CACNA2D3: variants seen among roughly 807,000 people sequenced by gnomAD.
CACNA2D3 encodes the protein voltage-dependent calcium channel subunit alpha-2/delta-3.
CACNA2D3 carries 60 observed loss-of-function variants against 160.6 expected under a neutral mutation model. That is an observed-to-expected ratio of 0.37 (90% CI 0.30 to 0.46). The LOEUF (loss-of-function observed/expected upper bound fraction) is 0.46. CACNA2D3 is among the 20% of genes least tolerant of loss of function. CACNA2D3 has a pLI of 1.00. For synonymous variants in CACNA2D3, 558 were observed against 492.9 expected, an observed-to-expected ratio of 1.13 and a Z score of -1.75; for missense variants, 1,205 against 1,365.0, an observed-to-expected ratio of 0.88 and a Z score of 1.85.
At chr3:55,073,919 A>C in intron 37 of CACNA2D3, 60 bp downstream of exon 37, 1 of 1,378,454 alleles carries the variant, frequency 7.3e-7, no homozygotes. Context: ...AGAGTCTCAC[A>C]CTGGTCAAAG....
At chr3:55,063,732 G>C (rs1414938149) in intron 35 of CACNA2D3, among the ~76,000 whole-genome samples, 1 of 152,168 alleles carries the variant, frequency 6.6e-6, no homozygotes, top group Non-Finnish European at 1.5e-5. Context: ...CCATCGGGTA[G>C]ATGACAGGGG....
intron 13 of CACNA2D3, among the ~76,000 whole-genome samples, chr3:54,769,054 C>A (rs1337791589): frequency 6.6e-6 from 1 of 152,150 alleles, no homozygotes; most frequent in African/African-American, 2.4e-5. Context: ...GCAGCAGTTT[C>A]TTCCAGCTCC....
chr3:54,265,163 G>C (rs9858447), intron 2 of CACNA2D3, among the ~76,000 whole-genome samples: 1 of 152,172 alleles, frequency 6.6e-6, no homozygotes. Context: ...TCACCACACT[G>C]TCTTCCACAA....
chr3:54,403,481 C>A (rs1699511776), intron 4 of CACNA2D3, among the ~76,000 whole-genome samples: 1 of 151,672 alleles, frequency 6.6e-6, no homozygotes, highest in African/African-American at 2.4e-5. Flanking sequence ...AAAAGTGGTT[C>A]TGGAAGGGAA....
At chr3:54,519,533 T>C (rs1701612033) in intron 5 of CACNA2D3, among the ~76,000 whole-genome samples, 2 of 152,108 alleles carry the variant, frequency 1.3e-5, no homozygotes, top group South Asian at 2.1e-4. Flanking sequence ...AACAGTGCAG[T>C]AGGGAGTATT....
chr3:54,546,896 A>G (rs1702074684), intron 5 of CACNA2D3, among the ~76,000 whole-genome samples: 1 of 152,242 alleles, frequency 6.6e-6, no homozygotes, highest in African/African-American at 2.4e-5. Context: ...ATGATCAAAC[A>G]TTTAGTCATC....
At chr3:54,285,299 G>C (rs1201245158) in intron 2 of CACNA2D3, among the ~76,000 whole-genome samples, 1 of 152,216 alleles carries the variant, frequency 6.6e-6, no homozygotes, top group Admixed American at 6.5e-5. Context: ...ACCTGGCTCG[G>C]AGGGTCCTAC....
intron 18 of CACNA2D3, chr3:54,874,719 G>A (rs1346416333): frequency 6.6e-6 from 1 of 152,264 alleles, no homozygotes; most frequent in African/African-American, 2.4e-5. Context: ...AGGACATAGA[G>A]TGTGGATTCC....
intron 2 of CACNA2D3, among the ~76,000 whole-genome samples, chr3:54,226,566 G>C (rs890446061): frequency 6.6e-6 from 1 of 152,058 alleles, no homozygotes; most frequent in Non-Finnish European, 1.5e-5. Flanking sequence ...GCCTCCCAAA[G>C]TGTTGGGATT....
chr3:54,627,061 T>C (rs1187833918), intron 9 of CACNA2D3, among the ~76,000 whole-genome samples: 1 of 152,262 alleles, frequency 6.6e-6, no homozygotes, highest in Non-Finnish European at 1.5e-5. Flanking sequence ...TGTCTTGTTA[T>C]AATCACAGTT....
At chr3:55,053,496 G>A (rs1348897691) in intron 35 of CACNA2D3, among the ~76,000 whole-genome samples, 1 of 151,904 alleles carries the variant, frequency 6.6e-6, no homozygotes, top group Non-Finnish European at 1.5e-5. Context: ...ATTTTCAGTA[G>A]TATATAGTTC....
intron 5 of CACNA2D3, among the ~76,000 whole-genome samples, chr3:54,538,393 CCCT>C (rs1701921123): frequency 6.6e-6 from 1 of 152,150 alleles, no homozygotes; most frequent in Non-Finnish European, 1.5e-5. Context: ...TCTTTCCTCC[CCCT>C]CCTCCAGCGT....
chr3:55,022,443 T>G (rs1703476294), intron 35 of CACNA2D3, among the ~76,000 whole-genome samples: 1 of 152,176 alleles, frequency 6.6e-6, no homozygotes, highest in Admixed American at 6.5e-5. Flanking sequence ...TCTTTTAAAA[T>G]TTATGGTGCT....
chr3:54,511,083 G>C (rs1012608696), intron 5 of CACNA2D3, among the ~76,000 whole-genome samples: 1 of 152,048 alleles, frequency 6.6e-6, no homozygotes, highest in Non-Finnish European at 1.5e-5. Context: ...ACTCTCTGAA[G>C]ACCTTTGCTT....
At chr3:54,502,752 A>G (rs1701314166) in intron 4 of CACNA2D3, among the ~76,000 whole-genome samples, 3 of 152,230 alleles carry the variant, frequency 2.0e-5, no homozygotes, top group African/African-American at 7.2e-5. Context: ...GTGAAGTAGG[A>G]ATACTCATAA....
intron 2 of CACNA2D3, among the ~76,000 whole-genome samples, chr3:54,286,886 C>T (rs371562275): frequency 1.2e-4 from 19 of 152,076 alleles, no homozygotes; most frequent in East Asian, 5.8e-4. Flanking sequence ...CTGAGAGATT[C>T]TGTCACCACC....
intron 27 of CACNA2D3, chr3:54,966,821 AC>A: frequency 6.6e-6 from 1 of 152,378 alleles, no homozygotes; most frequent in Non-Finnish European, 1.5e-5. Context: ...TCTGTCTCAA[AC>A]AAACAAACAA....
At chr3:54,229,336 T>A (rs532951863) in intron 2 of CACNA2D3, among the ~76,000 whole-genome samples, 1 of 152,108 alleles carries the variant, frequency 6.6e-6, no homozygotes, top group African/African-American at 2.4e-5. Flanking sequence ...GGACTACAGG[T>A]GCCTGCCACC....
intron 2 of CACNA2D3, among the ~76,000 whole-genome samples, chr3:54,278,846 C>A (rs1424582999): frequency 6.6e-6 from 1 of 151,372 alleles, no homozygotes; most frequent in African/African-American, 2.4e-5. Flanking sequence ...GGATGGGGGG[C>A]AAGGGGAGGG....
Sources: gnomAD v4.1 joint callset for allele counts (sites outside exome capture counted in the v4.1 genomes callset) on GRCh38, gnomAD v4.1.1 for gene constraint, MANE v1.5 for transcripts, NCBI Gene and HGNC (gene_info 2026-07-23, HGNC 2026-07-21) for gene names.